The following NOTCH1 variants were observed in gnomAD, a reference collection of about 807,000 sequenced individuals.
The protein encoded by NOTCH1 is notch receptor 1.
In NOTCH1, 37 loss-of-function variants were observed where a neutral mutation model predicts 254.8. That is an observed-to-expected ratio of 0.15 (90% CI 0.11 to 0.19). NOTCH1 has a LOEUF of 0.19. NOTCH1 is among the 10% of genes least tolerant of loss of function. The pLI is 1.00. For synonymous variants in NOTCH1, 1,731 were observed against 1,618.1 expected, an observed-to-expected ratio of 1.07 and a Z score of -1.68; for missense variants, 2,972 against 3,708.6, an observed-to-expected ratio of 0.80 and a Z score of 5.16.
In NOTCH1 at chr9:136,513,144, AG is replaced by A; in HGVS notation, c.2354-11del. 6.2e-7 allele frequency: 1 copy of A among 1,605,724 alleles called. No homozygotes were observed. Among genetic ancestry groups the A allele is most frequent in the Non-Finnish European group, 8.5e-7 (1 of 1,173,582 alleles). On this transcript the variant is annotated splice_polypyrimidine_tract_variant and intron_variant, in intron 14 of 33. Coordinates refer to ENST00000651671, the MANE Select transcript of NOTCH1 (RefSeq NM_017617.5). This position sits in a 1 kb window ranked among gnomAD's most constrained non-coding sequence, Gnocchi z 4.7. Reference sequence around the variant, plus strand: ...GTCTGGCAGTTGGGACCTGGAGGGAAGGGGACAGCACTCGGCATGTCCAGCA... The same window carrying A: ...GTCTGGCAGTTGGGACCTGGAGGGAAGGGACAGCACTCGGCATGTCCAGCA...
chr9:136,541,668 A>G (rs1051341071), intron 2 of NOTCH1, among the ~76,000 whole-genome samples: 6 of 152,136 alleles, frequency 3.9e-5, no homozygotes, highest in Non-Finnish European at 7.3e-5. Context: ...TGAGGGGTGT[A>G]TGTTGGGTGG....
chr9:136,532,380 C>T (rs1030289246), intron 2 of NOTCH1, among the ~76,000 whole-genome samples: 2 of 152,216 alleles, frequency 1.3e-5, no homozygotes, highest in Middle Eastern at 3.2e-3. Context: ...CACCCAATCC[C>T]GCAGGACCTC....
At chr9:136,501,331 G>A (rs1304333676) in intron 30 of NOTCH1, among the ~76,000 whole-genome samples, 1 of 152,070 alleles carries the variant, frequency 6.6e-6, no homozygotes, top group Non-Finnish European at 1.5e-5. Flanking sequence ...CTACTGGGGA[G>A]GCTGAGGCAG....
Position 136,496,186 on chromosome 9 carries a change from T to C in NOTCH1, c.7553A>G (p.Asp2518Gly), listed in dbSNP as rs2133314185. Residue 2518 changes from aspartate (D) to glycine (G), a missense_variant, in exon 34 of 34, where the codon GAC becomes GGC. Around this residue, in one of 8 missense-constraint regions of NOTCH1, gnomAD observed 85 missense variants for 126.1 expected, o/e 0.67. Transcript: ENST00000651671. ...PFLTPSPESP[D>G]QWSSSSPHSN... ...ATGCGGGGACGAGCTGGACCACTGGTCAGGGGACTCAGGGGACGGGGTGAG... is the reference window on the plus strand; with the variant it reads ...ATGCGGGGACGAGCTGGACCACTGGCCAGGGGACTCAGGGGACGGGGTGAG... The C allele has an allele frequency of 6.2e-7, 1 of 1,609,886 alleles. No individual in the cohort carries two copies. The highest frequency in any genetic ancestry group is 8.5e-7 in the Non-Finnish European group (1 of 1,179,148).
chr9:136,533,905 C>T (rs1346112838), intron 2 of NOTCH1, among the ~76,000 whole-genome samples: 2 of 152,222 alleles, frequency 1.3e-5, no homozygotes, highest in Non-Finnish European at 2.9e-5. Context: ...GAGGCACGAA[C>T]GCATCTCTAA....
rs748380110 is a variant in NOTCH1 at position 136,502,262 on chromosome 9, G to A, written c.5384+10C>T. The A allele has an allele frequency of 1.7e-5, 28 of 1,610,158 alleles. No individual in the cohort carries two copies. Among genetic ancestry groups the A allele is most frequent in the Admixed American group, 1.2e-4 (7 of 59,866 alleles). On this transcript the variant is annotated intron_variant, in intron 28 of 33. Transcript: ENST00000651671. ...CCGGGGACCCAGAAGCAGGGGCGGC[G>A]TCCGCTCACTTGAGGCCCACGGAGT...
Position 136,545,008 on chromosome 9 carries a change from G to A in NOTCH1, c.61+718C>T, listed in dbSNP as rs1413990513. Among the ~76,000 whole-genome samples, 1 of 152,216 alleles carries A rather than the reference G, an allele frequency of 6.6e-6. No individual in the cohort carries two copies. The highest frequency in any genetic ancestry group is 1.5e-5 in the Non-Finnish European group (1 of 68,024). ...AGTGGATTAATCACTCGATTCCCCAGAGACCCCGCTCGCTGTGCGGCGGGG... is the reference window on the plus strand; with the variant it reads ...AGTGGATTAATCACTCGATTCCCCAAAGACCCCGCTCGCTGTGCGGCGGGG... On this transcript the variant is annotated intron_variant, in intron 1 of 33. Coordinates refer to ENST00000651671, the MANE Select transcript of NOTCH1 (RefSeq NM_017617.5). The surrounding 1 kb of genome is among the most constrained non-coding windows in gnomAD (Gnocchi z 6.8).
intron 5 of NOTCH1, 122 bp downstream of exon 5, chr9:136,519,321 C>A (rs1201489137): frequency 1.4e-6 from 2 of 1,428,832 alleles, no homozygotes; most frequent in African/African-American, 1.4e-5. Context: ...CTCGGCCAAC[C>A]CTAGTCTGCC....
rs551787853 is a variant in NOTCH1 at position 136,541,740 on chromosome 9, T to C, written c.140+2284A>G. On this transcript the variant is annotated intron_variant, in intron 2 of 33. Transcript: ENST00000651671. ...GAAGCGGCTGCAATGTCCCCCAGAC[T>C]GCTGTGTGAGCCCTGACCTGTGCCT... Among the ~76,000 whole-genome samples, 157 of 152,320 alleles carry C rather than the reference T, an allele frequency of 1.0e-3. 1 individual carries two copies. The highest frequency in any genetic ancestry group is 1.8e-3 in the Non-Finnish European group (124 of 68,010).
chr9:136,534,185 C>T lies in NOTCH1; in HGVS notation c.140+9839G>A, dbSNP rs529970933. 2.0e-3 allele frequency among the ~76,000 whole-genome samples: 305 copies of T among 152,332 alleles called. 3 individuals are homozygous for T. In the Middle Eastern group the frequency reaches 0.065, roughly 32 times the overall value. ...GCTGCACTCACAAAAAGGCTGACTC[C>T]ACACAGGACCTGCCTCCCTGGGCCT... On this transcript the variant is annotated intron_variant, in intron 2 of 33. Transcript: ENST00000651671.
Position 136,503,282 on chromosome 9 carries a change from G to A in NOTCH1, c.5067C>T (p.Ser1689=), listed in dbSNP as rs767025227. The change falls in exon 27 of 34, where the codon TCC becomes TCT. Residue 1689 remains serine, a synonymous_variant. Transcript: ENST00000651671. Reference sequence around the variant, plus strand: ...CGGTGGCACTCTGGAAGCACTGCGAGGAGGCCTGCACACACTGCCGGTTGT... The same window carrying A: ...CGGTGGCACTCTGGAAGCACTGCGAAGAGGCCTGCACACACTGCCGGTTGT... ...EIDNRQCVQA[S]SQCFQSATDV... is the part of the protein sequence containing the mutation. The A allele has an allele frequency of 1.9e-6, 3 of 1,613,022 alleles. No individual in the cohort carries two copies. In the South Asian group the frequency reaches 3.3e-5, roughly 18 times the overall value.
intron 15 of NOTCH1, 76 bp downstream of exon 15, chr9:136,512,945 C>T (rs921419443): frequency 6.9e-6 from 4 of 580,472 alleles, no homozygotes; most frequent in African/African-American, 3.9e-5. Flanking sequence ...GCACAGGCTC[C>T]GCCCTCTCCA....
intron 33 of NOTCH1, among the ~76,000 whole-genome samples, chr9:136,498,433 C>A (rs574159863): frequency 1.3e-5 from 2 of 152,288 alleles, no homozygotes; most frequent in South Asian, 4.1e-4. Context: ...GTGAACACAC[C>A]AAGAGGCCCC....
rs1168929034 is a variant in NOTCH1 at position 136,495,499 on chromosome 9, C to T, written c.*572G>A. On this transcript the variant is annotated 3_prime_UTR_variant, in exon 34 of 34. Transcript: ENST00000651671. ...TTCCTATTTCAGATGCAAATTAATC[C>T]GCGTGCGGAAGGTGAGCCAGCTTTG... 4.5e-5 allele frequency: 18 copies of T among 399,296 alleles called. No individual in the cohort carries two copies. Among genetic ancestry groups the T allele is most frequent in the Non-Finnish European group, 7.9e-5 (18 of 226,610 alleles). 24.7% of individuals were successfully genotyped at this position (399,296 alleles called of 1,614,324 possible).
At position 136,518,619 on chromosome 9, in the gene NOTCH1, G is replaced by A. The variant is rs1397261908; in HGVS notation, c.1071C>T (p.Phe357=). 6.2e-7 allele frequency: 1 copy of A among 1,612,852 alleles called. No individual in the cohort carries two copies. Among genetic ancestry groups the A allele is most frequent in the Non-Finnish European group, 8.5e-7 (1 of 1,179,972 alleles). The change falls in exon 6 of 34, where the codon TTC becomes TTT. Residue 357 remains phenylalanine, a synonymous_variant. Transcript: ENST00000651671. ...GATCHDRVAS[F]YCECPHGRTG... is the part of the protein sequence containing the mutation. ...TGCGGCCATGGGGACACTCGCAGTA[G>A]AAGGAGGCCACACGGTCATGGCAGG...
At position 136,513,854 on chromosome 9, in the gene NOTCH1, C is replaced by T. The variant is rs534849545; in HGVS notation, c.2208-317G>A. 8.5e-5 allele frequency among the ~76,000 whole-genome samples: 13 copies of T among 152,302 alleles called. No homozygotes were observed. In the East Asian group the frequency reaches 2.5e-3, roughly 29 times the overall value. On this transcript the variant is annotated intron_variant, in intron 13 of 33. Transcript: ENST00000651671. The surrounding 1 kb of genome is among the most constrained non-coding windows in gnomAD (Gnocchi z 4.7). ...TGGTGGCACATGCCTGTAATCTCAG[C>T]TACTCGGGAGGCTGAGGCAGGGGAA...
chr9:136,508,080 G>A lies in NOTCH1; in HGVS notation c.3385C>T (p.His1129Tyr), dbSNP rs749446285. 1 of 1,610,272 alleles carries A rather than the reference G, an allele frequency of 6.2e-7. No homozygotes were observed. Among genetic ancestry groups the A allele is most frequent in the Non-Finnish European group, 8.5e-7 (1 of 1,179,968 alleles). The change falls in exon 21 of 34, where the codon CAC (histidine) becomes TAC (tyrosine). Residue 1129 changes from histidine (H) to tyrosine (Y), a missense_variant. By Grantham distance (83) the His-to-Tyr change is moderately conservative (BLOSUM62 2). This residue lies in a region of NOTCH1 where 1,343 missense variants were observed against 1,557.0 expected (regional missense o/e 0.86). Transcript: ENST00000651671. ...GGLCVDAGNT[H>Y]HCRCQAGYTG... ...TAGCCCGCCTGGCAGCGGCAGTGGTGCGTGTTGCCCGCGTCCACACAGAGC... is the reference window on the plus strand; with the variant it reads ...TAGCCCGCCTGGCAGCGGCAGTGGTACGTGTTGCCCGCGTCCACACAGAGC...
At chr9:136,512,894 G>A (rs967259539) in intron 15 of NOTCH1, 127 bp downstream of exon 15, 12 of 667,264 alleles carry the variant, frequency 1.8e-5, no homozygotes, top group South Asian at 9.8e-5. Flanking sequence ...CTCCAGTCAC[G>A]GCTTCCCAGG....
Position 136,502,305 on chromosome 9 carries a change from C to T in NOTCH1, c.5351G>A (p.Arg1784Gln). 1.9e-6 allele frequency: 3 copies of T among 1,612,390 alleles called. No individual in the cohort carries two copies. The highest frequency in any genetic ancestry group is 2.5e-6 in the Non-Finnish European group (3 of 1,179,804). The change falls in exon 28 of 34, where the codon CGG (arginine) becomes CAG (glutamine). Residue 1784 changes from arginine (R) to glutamine (Q), a missense_variant. This residue lies in a region of NOTCH1 where 421 missense variants were observed against 604.4 expected (regional missense o/e 0.70). Transcript: ENST00000651671. ...CACGGAGTCCTCGCCGAGGGGCTCC[C>T]GCCGCTTCTTCTTGCTGGCCTCAGA... ...KVSEASKKKRREPLGEDSVGL... is the reference protein window; with the variant it reads ...KVSEASKKKRQEPLGEDSVGL...
Sources: allele counts gnomAD v4.1 joint callset (sites outside exome capture counted in the v4.1 genomes callset), GRCh38; gene constraint gnomAD v4.1.1; regional missense constraint gnomAD v4.1.1; non-coding constraint Gnocchi (gnomAD v3.1); transcripts MANE v1.5; gene names NCBI Gene and HGNC (gene_info 2026-07-23, HGNC 2026-07-21).